The following CSPP1 variants were observed in gnomAD, a reference collection of about 807,000 sequenced individuals.
CSPP1 encodes centrosome and spindle pole-associated protein 1.
In CSPP1, 126 loss-of-function variants were observed where a neutral mutation model predicts 164.4. That is an observed-to-expected ratio of 0.77 (90% CI 0.66 to 0.89). The LOEUF (loss-of-function observed/expected upper bound fraction) is 0.89. Ranked by LOEUF, CSPP1 falls within the 40% of genes least tolerant of loss-of-function variation. CSPP1 has a pLI of 0.00. For missense variants in CSPP1, 1,395 were observed against 1,449.8 expected, an observed-to-expected ratio of 0.96 and a Z score of 0.61; for synonymous variants, 472 against 476.7, an observed-to-expected ratio of 0.99 and a Z score of 0.13.
At chr8:67,127,360 A>G (rs1820291133) in intron 15 of CSPP1, among the ~76,000 whole-genome samples, 2 of 152,144 alleles carry the variant, frequency 1.3e-5, no homozygotes, top group Non-Finnish European at 2.9e-5. Context: ...TGGCTTTGTC[A>G]TTGTATCCTC....
intron 28 of CSPP1, among the ~76,000 whole-genome samples, chr8:67,188,012 G>C (rs1461810557): frequency 6.6e-6 from 1 of 152,114 alleles, no homozygotes; most frequent in African/African-American, 2.4e-5. Flanking sequence ...ATTCATAAAA[G>C]AAATAATTGA....
At chr8:67,087,767 T>G (rs1163320457) in intron 4 of CSPP1, among the ~76,000 whole-genome samples, 1 of 152,238 alleles carries the variant, frequency 6.6e-6, no homozygotes. Flanking sequence ...TTTTAACTTG[T>G]TATATGTAAT....
At chr8:67,129,482 A>C (rs1820771699) in intron 15 of CSPP1, among the ~76,000 whole-genome samples, 1 of 152,206 alleles carries the variant, frequency 6.6e-6, no homozygotes, top group African/African-American at 2.4e-5. Flanking sequence ...CTTAAAAAGA[A>C]TATGATACTG....
chr8:67,159,204 AGTT>A, intron 21 of CSPP1, 67 bp downstream of exon 21: 3 of 1,430,846 alleles, frequency 2.1e-6, no homozygotes, highest in Non-Finnish European at 2.9e-6. Context: ...AGAGTTGTAC[AGTT>A]GTTAGAAAAG....
chr8:67,160,026 CTTTTCTTTTTCT>C (rs1554606078), intron 21 of CSPP1, among the ~76,000 whole-genome samples: 583 of 53,644 alleles, frequency 0.011, 47 homozygotes, highest in African/African-American at 0.026. Context: ...CTTTTCTTTT[CTTTTCTTTTTCT>C]TTTTCTTTTT....
chr8:67,175,185 C>G (rs1481001584), intron 25 of CSPP1, 111 bp from the exon 26 acceptor site: 1 of 767,570 alleles, frequency 1.3e-6, no homozygotes, highest in East Asian at 2.5e-5. Context: ...CTATTTCTAT[C>G]ATTTCCTTGA....
intron 17 of CSPP1, among the ~76,000 whole-genome samples, chr8:67,145,792 G>A (rs1261432578): frequency 1.3e-5 from 2 of 151,440 alleles, no homozygotes; most frequent in African/African-American, 4.9e-5. Context: ...GAAAGTGCTG[G>A]GATTACAGGC....
chr8:67,108,439 C>T (rs887481226), intron 9 of CSPP1, among the ~76,000 whole-genome samples: 10 of 151,268 alleles, frequency 6.6e-5, no homozygotes, highest in Admixed American at 1.3e-4. Context: ...GTTGGTTCAT[C>T]GTATGTTCAT....
intron 7 of CSPP1, among the ~76,000 whole-genome samples, chr8:67,101,907 A>G (rs1013361165): frequency 2.6e-5 from 4 of 152,216 alleles, no homozygotes; most frequent in African/African-American, 9.6e-5. Flanking sequence ...CTCAACAGCC[A>G]TGTAAAGAAA....
Position 67,177,697 on chromosome 8 carries a change from C to G in CSPP1, c.3127C>G (p.Pro1043Ala). The G allele has an allele frequency of 6.2e-7, 1 of 1,611,304 alleles. No homozygotes were observed. The change falls in exon 27 of 31, where the codon CCA becomes GCA. Residue 1043 changes from proline (P) to alanine (A), a missense_variant. Transcript: ENST00000678616. ...GACTACAGTTGACTTAGATGCCATC[C>G]CAAGTGCTAAAGTACGAGAGCAAAG... Reference protein sequence around the residue: ...EGAKVDLDAIPSAKVREQRMP... With the variant: ...EGAKVDLDAIASAKVREQRMP...
chr8:67,086,799 A>G lies in CSPP1; in HGVS notation c.303+689A>G, dbSNP rs770835231. ...AACTTTGACTTAATACACTTTGTCA[A>G]TGGTTTGTTTCCCTTGACTTTAGGG... On this transcript the variant is annotated intron_variant, in intron 4 of 30. Transcript: ENST00000678616. 15 of 1,336,828 alleles carry G rather than the reference A, an allele frequency of 1.1e-5. No homozygotes were observed. In the East Asian group the frequency reaches 1.4e-4, roughly 12 times the overall value. 82.8% of individuals were successfully genotyped at this position (1,336,828 alleles called of 1,614,324 possible). A position where few individuals can be genotyped will look rare whatever the true frequency, so the allele number is the denominator to read the frequency against.
At chr8:67,129,081 C>T (rs1425952639) in intron 15 of CSPP1, among the ~76,000 whole-genome samples, 1 of 151,814 alleles carries the variant, frequency 6.6e-6, no homozygotes, top group African/African-American at 2.4e-5. Flanking sequence ...ACCATGTTAA[C>T]AGAATAAAGA....
intron 17 of CSPP1, among the ~76,000 whole-genome samples, chr8:67,139,614 C>G (rs2129555676): frequency 6.6e-6 from 1 of 152,256 alleles, no homozygotes; most frequent in East Asian, 1.9e-4. Context: ...CAATGATAGA[C>G]TGGATTAAGA....
At chr8:67,105,314 C>A (rs746680518) in intron 8 of CSPP1, among the ~76,000 whole-genome samples, 51 of 152,024 alleles carry the variant, frequency 3.4e-4, no homozygotes, top group Non-Finnish European at 5.6e-4. Flanking sequence ...TGTTAGCCAC[C>A]ACGCCCAGCC....
In CSPP1 at chr8:67,158,627, A is replaced by G. The variant is rs776233076; in HGVS notation, c.2391+31A>G. 7.8e-6 allele frequency: 12 copies of G among 1,543,470 alleles called. No individual in the cohort carries two copies. In the Admixed American group the frequency reaches 1.9e-4, roughly 24 times the overall value. On this transcript the variant is annotated intron_variant, in intron 20 of 30. Coordinates refer to ENST00000678616, the MANE Select transcript of CSPP1 (RefSeq NM_001382391.1). The stretch of plus-strand genomic sequence containing the variant: ...TCTTTTTTCCCTATTGTATTTTACT[A>G]CTTAGTCTGAAGGTGAAATCTTTGA...
chr8:67,079,895 G>A (rs1808786488), intron 3 of CSPP1, among the ~76,000 whole-genome samples: 3 of 152,142 alleles, frequency 2.0e-5, no homozygotes, highest in South Asian at 2.1e-4. Flanking sequence ...TTAAACCAAC[G>A]GGTTAATGTC....
At chr8:67,172,663 G>T (rs1380543321) in intron 25 of CSPP1, 108 bp downstream of exon 25, 1 of 957,796 alleles carries the variant, frequency 1.0e-6, no homozygotes, top group South Asian at 2.0e-5. Context: ...TTTATCTATG[G>T]TATGTATTTT....
chr8:67,144,495 A>G (rs1046821917), intron 17 of CSPP1, among the ~76,000 whole-genome samples: 1 of 152,152 alleles, frequency 6.6e-6, no homozygotes, highest in African/African-American at 2.4e-5. Flanking sequence ...GCTGGAGTAC[A>G]GTGACATAAT....
intron 28 of CSPP1, among the ~76,000 whole-genome samples, chr8:67,188,034 T>G (rs1835156195): frequency 6.6e-6 from 1 of 152,212 alleles, no homozygotes; most frequent in Non-Finnish European, 1.5e-5. Flanking sequence ...AAGCCGGACT[T>G]TGTAAAAATT....
Sources: allele counts gnomAD v4.1 joint callset (sites outside exome capture counted in the v4.1 genomes callset), GRCh38; gene constraint gnomAD v4.1.1; transcripts MANE v1.5; gene names NCBI Gene and HGNC (gene_info 2026-07-23, HGNC 2026-07-21).